Variants in COL19A1 observed in about 807,000 individuals in gnomAD.
COL19A1 encodes collagen type XIX alpha 1 chain.
Under a neutral mutation model 190.2 loss-of-function variants are expected in COL19A1, and 159 were observed. The observed-to-expected ratio is 0.84, with a 90% CI of 0.73 to 0.95. The LOEUF (loss-of-function observed/expected upper bound fraction) is 0.95, where lower values mean the gene tolerates loss of function less well. Among genes scored for constraint, COL19A1 ranks in the 40% least tolerant of loss-of-function variants. The probability of loss-of-function intolerance (pLI) is 0.00; values close to 1 mark genes in which losing one functional copy is unlikely to be tolerated. For synonymous variants in COL19A1, 509 were observed against 458.9 expected (o/e 1.11, Z -1.39); for missense variants, 1,418 against 1,431.9 (o/e 0.99, Z 0.16).
chr6:70,084,880 A>G (rs987952878), intron 15 of COL19A1, among the ~76,000 whole-genome samples: 11 of 152,176 alleles, frequency 7.2e-5, no homozygotes, highest in Admixed American at 6.5e-4. Context: ...TAAAATCTCA[A>G]AAGGCATTAA....
At chr6:69,932,946 G>A in intron 7 of COL19A1, 83 bp downstream of exon 7, 1 of 849,674 alleles carries the variant, frequency 1.2e-6, no homozygotes, top group Non-Finnish European at 1.9e-6. Flanking sequence ...CAAATGTAGG[G>A]TAGCACTGAG....
At chr6:69,967,790 A>T (rs1408053190) in intron 11 of COL19A1, among the ~76,000 whole-genome samples, 1 of 152,212 alleles carries the variant, frequency 6.6e-6, no homozygotes, top group Admixed American at 6.5e-5. Context: ...TTTACCAGAC[A>T]GAATCCACTG....
intron 11 of COL19A1, among the ~76,000 whole-genome samples, chr6:70,005,078 C>CACCT: frequency 6.6e-6 from 1 of 151,994 alleles, no homozygotes; most frequent in Non-Finnish European, 1.5e-5. Context: ...ATGATGTGCC[C>CACCT]GCCTTGGCCT....
chr6:70,071,442 T>C (rs1204790532), intron 15 of COL19A1, among the ~76,000 whole-genome samples: 1 of 152,202 alleles, frequency 6.6e-6, no homozygotes, highest in African/African-American at 2.4e-5. Flanking sequence ...GTAGAAGTAA[T>C]GTGCTTCTTA....
At chr6:69,904,558 A>G (rs892332779) in intron 4 of COL19A1, among the ~76,000 whole-genome samples, 3 of 152,200 alleles carry the variant, frequency 2.0e-5, no homozygotes, top group African/African-American at 7.2e-5. Context: ...AAGCACTATA[A>G]GAGGTGTGTT....
Position 70,142,023 on chromosome 6 carries a change from G to A in COL19A1, c.1519G>A (p.Gly507Ser). The change falls in exon 22 of 51, where the codon GGT (glycine) becomes AGT (serine). Residue 507 changes from glycine to serine, a missense_variant and splice_region_variant. By Grantham distance (56) the Gly-to-Ser change is moderately conservative (BLOSUM62 0). Transcript: ENST00000620364. ...PGVIGSQGVK[G>S]EPGDPGPPGL... ...TCTTTCCTTCCCCCCACGTGTTTAG[G>A]GTGAACCTGGAGATCCCGGACCCCC... is the stretch of plus-strand genomic sequence containing the variant. The A allele has an allele frequency of 1.1e-5, 17 of 1,612,342 alleles. No individual in the cohort carries two copies. The highest frequency in any genetic ancestry group is 1.4e-5 in the Non-Finnish European group (16 of 1,178,922).
At chr6:70,007,265 A>T (rs1314199852) in intron 11 of COL19A1, among the ~76,000 whole-genome samples, 1 of 152,142 alleles carries the variant, frequency 6.6e-6, no homozygotes, top group African/African-American at 2.4e-5. Flanking sequence ...CAGAATAAAT[A>T]CATCAAAAGG....
At chr6:69,892,043 G>A (rs976336584) in intron 2 of COL19A1, among the ~76,000 whole-genome samples, 4 of 152,194 alleles carry the variant, frequency 2.6e-5, no homozygotes, top group African/African-American at 9.7e-5. Flanking sequence ...AACAAGGGAG[G>A]GGAAAGGATG....
chr6:70,103,937 GA>G (rs1177492583), intron 16 of COL19A1, among the ~76,000 whole-genome samples: 1 of 151,970 alleles, frequency 6.6e-6, no homozygotes, highest in Admixed American at 6.6e-5. Context: ...TTTTGTAGAC[GA>G]AAAAATTAAA....
chr6:70,139,827 G>A (rs1786123862), intron 19 of COL19A1, among the ~76,000 whole-genome samples: 2 of 151,970 alleles, frequency 1.3e-5, no homozygotes, highest in African/African-American at 4.8e-5. Context: ...TAAAGAAAGG[G>A]GAGCTCTAAA....
chr6:70,060,951 T>C (rs1251437946), intron 14 of COL19A1, among the ~76,000 whole-genome samples: 1 of 152,062 alleles, frequency 6.6e-6, no homozygotes, highest in African/African-American at 2.4e-5. Flanking sequence ...ACACACATAA[T>C]GACCTTTACA....
rs1481744593 is a variant in COL19A1, at chr6:70,208,047, C to A, written c.*773C>A. On this transcript the variant is annotated 3_prime_UTR_variant, in exon 51 of 51. Transcript: ENST00000620364. ...TTTGTATGAGTTCTGCAAAAAAAGCCTAATATTCTGTGGTCCCCTCACTCA... is the reference window on the plus strand; with the variant it reads ...TTTGTATGAGTTCTGCAAAAAAAGCATAATATTCTGTGGTCCCCTCACTCA... 6.6e-6 allele frequency: 1 copy of A among 152,084 alleles called. No individual in the cohort carries two copies. Among genetic ancestry groups the A allele is most frequent in the African/African-American group, 2.4e-5 (1 of 41,412 alleles). 9.4% of individuals were successfully genotyped at this position (152,084 alleles called of 1,614,324 possible).
chr6:70,118,612 T>G (rs982752436), intron 16 of COL19A1, among the ~76,000 whole-genome samples: 1 of 152,210 alleles, frequency 6.6e-6, no homozygotes, highest in Admixed American at 6.5e-5. Context: ...TAAATACTCA[T>G]GATGAGATTA....
In COL19A1 at chr6:70,149,861, G is replaced by T; in HGVS notation, c.1940G>T (p.Gly647Val). 1.2e-6 allele frequency: 2 copies of T among 1,613,614 alleles called. No individual in the cohort carries two copies. Among genetic ancestry groups the T allele is most frequent in the Non-Finnish European group, 1.7e-6 (2 of 1,179,758 alleles). The change falls in exon 29 of 51, where the codon GGT becomes GTT. Residue 647 changes from glycine to valine, a missense_variant. Coordinates refer to ENST00000620364, the MANE Select transcript of COL19A1 (RefSeq NM_001858.6). Reference sequence around the variant, plus strand: ...TCCCTCCTTTTCCAGGGTCCTCGAGGTCTCCCTGGGTTGCCAGGAACTCCA... The same window carrying T: ...TCCCTCCTTTTCCAGGGTCCTCGAGTTCTCCCTGGGTTGCCAGGAACTCCA... ...AGEPGIQGPR[G>V]LPGLPGTPGT...
intron 16 of COL19A1, among the ~76,000 whole-genome samples, chr6:70,105,116 GA>G (rs1334284755): frequency 5.3e-5 from 8 of 151,712 alleles, no homozygotes; most frequent in Non-Finnish European, 7.4e-5. Context: ...CATAATATTT[GA>G]AAAAAATGGT....
rs182194160 is a variant in COL19A1, at chr6:69,947,474, C to T, written c.936+9374C>T. Among the ~76,000 whole-genome samples the T allele has an allele frequency of 1.6e-3, 236 of 151,880 alleles. 1 individual carries two copies. The highest frequency in any genetic ancestry group is 2.5e-3 in the Admixed American group (38 of 15,176). ...GTATATTAAACTGCAATCACCTTGT[C>T]GTATTTTTCCCTATATATGCCTATA... On this transcript the variant is annotated intron_variant, in intron 9 of 50. Coordinates refer to ENST00000620364, the MANE Select transcript of COL19A1 (RefSeq NM_001858.6).
chr6:70,185,431 A>G (rs546770877), intron 46 of COL19A1, among the ~76,000 whole-genome samples: 7 of 152,340 alleles, frequency 4.6e-5, no homozygotes, highest in Non-Finnish European at 1.0e-4. Flanking sequence ...AATCACTGCA[A>G]TTGAGAACTA....
At chr6:69,892,645 G>A (rs1769432782) in intron 2 of COL19A1, among the ~76,000 whole-genome samples, 1 of 152,194 alleles carries the variant, frequency 6.6e-6, no homozygotes, top group Non-Finnish European at 1.5e-5. Context: ...TCAAATACCT[G>A]TAAGTTGAGT....
chr6:70,038,558 G>C (rs1232386570), intron 14 of COL19A1, among the ~76,000 whole-genome samples: 1 of 152,188 alleles, frequency 6.6e-6, no homozygotes, highest in Non-Finnish European at 1.5e-5. Flanking sequence ...ATTGAACCCT[G>C]CTTCATTAAA....
Sources: gnomAD v4.1 joint callset for allele counts (sites outside exome capture counted in the v4.1 genomes callset) on GRCh38, gnomAD v4.1.1 for gene constraint, MANE v1.5 for transcripts, NCBI Gene and HGNC (gene_info 2026-07-23, HGNC 2026-07-21) for gene names.